The following SH3GL3 variants were observed in gnomAD, a reference collection of about 807,000 sequenced individuals.
SH3GL3 encodes the protein SH3 domain containing GRB2 like 3, endophilin A3, also known as endophilin-A3.
Under a neutral mutation model 47.7 loss-of-function variants are expected in SH3GL3, and 33 were observed. That is an observed-to-expected ratio of 0.69 (90% CI 0.52 to 0.92). The LOEUF is 0.92. SH3GL3 is among the 40% of genes least tolerant of loss of function. The pLI is 0.00. For synonymous variants in SH3GL3, 155 were observed against 148.8 expected, an observed-to-expected ratio of 1.04 and a Z score of -0.30; for missense variants, 363 against 417.8, an observed-to-expected ratio of 0.87 and a Z score of 1.14.
intron 1 of SH3GL3, among the ~76,000 whole-genome samples, chr15:83,461,283 A>G (rs1447847561): frequency 6.6e-6 from 1 of 152,202 alleles, no homozygotes; most frequent in Non-Finnish European, 1.5e-5. Flanking sequence ...CATGTTTCTG[A>G]TAACTTAAAA....
intron 8 of SH3GL3, among the ~76,000 whole-genome samples, chr15:83,603,621 A>G (rs577056806): frequency 1.8e-4 from 27 of 152,274 alleles, no homozygotes; most frequent in Non-Finnish European, 2.9e-4. Flanking sequence ...TGCTTTTCCA[A>G]TGCATTAGGA....
chr15:83,619,457 G>A (rs1377041922), downstream of SH3GL3, among the ~76,000 whole-genome samples: 1 of 152,142 alleles, frequency 6.6e-6, no homozygotes, highest in Non-Finnish European at 1.5e-5. Context: ...CATAGCTAAT[G>A]CGTGTCGGGC....
intron 1 of SH3GL3, among the ~76,000 whole-genome samples, chr15:83,490,024 A>G (rs910617484): frequency 6.6e-6 from 1 of 152,208 alleles, no homozygotes. Context: ...TGGCCTGGGC[A>G]TTTTTGCCAG....
chr15:83,625,249 A>AATGTTTTTATTTGCAGGTGAAGAAATTG, the SH3GL3 span, among the ~76,000 whole-genome samples: 1 of 152,230 alleles, frequency 6.6e-6, no homozygotes, highest in Non-Finnish European at 1.5e-5. Flanking sequence ...GTCAGGTTGT[A>AATGTTTTTATTTGCAGGTGAAGAAATTG]ATGTTTTTAT....
At chr15:83,485,050 T>C (rs191576277) in intron 1 of SH3GL3, among the ~76,000 whole-genome samples, 7 of 152,318 alleles carry the variant, frequency 4.6e-5, no homozygotes, top group Admixed American at 4.6e-4. Context: ...AATCTCTCTG[T>C]CTCCTATTTT....
intron 1 of SH3GL3, among the ~76,000 whole-genome samples, chr15:83,524,480 C>A (rs2043334477): frequency 6.6e-6 from 1 of 152,140 alleles, no homozygotes; most frequent in East Asian, 1.9e-4. Flanking sequence ...TTTAGGGTAT[C>A]TATCGCCTTT....
At chr15:83,627,633 C>T in the SH3GL3 span, among the ~76,000 whole-genome samples, 1 of 152,112 alleles carries the variant, frequency 6.6e-6, no homozygotes. Flanking sequence ...CTAACCCCTA[C>T]ATTTTGATTG....
intron 8 of SH3GL3, among the ~76,000 whole-genome samples, chr15:83,608,044 G>A (rs2435084): frequency 6.6e-5 from 10 of 152,090 alleles, no homozygotes; most frequent in East Asian, 3.9e-4. Context: ...AGGTGGGGGA[G>A]GGCAAAACTT....
intron 8 of SH3GL3, among the ~76,000 whole-genome samples, chr15:83,613,791 C>G (rs1434916221): frequency 6.6e-6 from 1 of 152,130 alleles, no homozygotes; most frequent in African/African-American, 2.4e-5. Context: ...GGGTCTGGAG[C>G]CCTCCTGTTT....
intron 8 of SH3GL3, among the ~76,000 whole-genome samples, chr15:83,590,930 A>G (rs2060078549): frequency 2.6e-5 from 4 of 152,220 alleles, no homozygotes; most frequent in Admixed American, 2.6e-4. Flanking sequence ...TATGAAGTCC[A>G]ATGTATTCAT....
chr15:83,609,941 C>A (rs1037756967), intron 8 of SH3GL3, among the ~76,000 whole-genome samples: 4 of 152,172 alleles, frequency 2.6e-5, no homozygotes, highest in African/African-American at 9.7e-5. Context: ...TCTAATCCAC[C>A]ACCTGGAGTG....
chr15:83,565,546 T>A (rs560721234), intron 3 of SH3GL3: 19 of 213,460 alleles, frequency 8.9e-5, no homozygotes, highest in South Asian at 2.4e-4. Flanking sequence ...ATAATTTTTT[T>A]AAAAATTCTG....
chr15:83,474,131 GCTACCCAATTTTAAA>G (rs1447030355), intron 1 of SH3GL3, among the ~76,000 whole-genome samples: 1 of 152,294 alleles, frequency 6.6e-6, no homozygotes, highest in East Asian at 1.9e-4. Flanking sequence ...AGTCCTCTGT[GCTACCCAATTTTAAA>G]TCCCTTCTTA....
chr15:83,466,647 C>A (rs939816858), intron 1 of SH3GL3, among the ~76,000 whole-genome samples: 1 of 152,318 alleles, frequency 6.6e-6, no homozygotes, highest in Middle Eastern at 3.4e-3. Context: ...TCCAGAGTGG[C>A]TGTACCATAT....
chr15:83,554,522 C>G (rs1476355782), intron 1 of SH3GL3, among the ~76,000 whole-genome samples: 1 of 151,784 alleles, frequency 6.6e-6, no homozygotes, highest in Admixed American at 6.6e-5. Flanking sequence ...ACAGAAAATT[C>G]TAGATTTTTA....
At chr15:83,620,777 A>G (rs2060913828), downstream of SH3GL3, among the ~76,000 whole-genome samples, 1 of 152,238 alleles carries the variant, frequency 6.6e-6, no homozygotes, top group Non-Finnish European at 1.5e-5. Context: ...CTAACAGGTT[A>G]ATCTGTCCTT....
At chr15:83,604,382 C>T (rs2060464363) in intron 8 of SH3GL3, among the ~76,000 whole-genome samples, 1 of 152,136 alleles carries the variant, frequency 6.6e-6, no homozygotes, top group East Asian at 1.9e-4. Flanking sequence ...TCATTTGCCA[C>T]CAAAGAGAAC....
intron 8 of SH3GL3, among the ~76,000 whole-genome samples, chr15:83,616,788 A>G (rs1460384471): frequency 1.3e-5 from 2 of 152,180 alleles, no homozygotes; most frequent in Non-Finnish European, 2.9e-5. Context: ...AAATCGAGAA[A>G]AACAGGGAGG....
At chr15:83,607,104 G>A (rs2060536293) in intron 8 of SH3GL3, among the ~76,000 whole-genome samples, 1 of 152,140 alleles carries the variant, frequency 6.6e-6, no homozygotes, top group South Asian at 2.1e-4. Flanking sequence ...AAAGAGTTTT[G>A]AAAAGCCGTA....
Sources: gnomAD v4.1 joint callset for allele counts (sites outside exome capture counted in the v4.1 genomes callset) on GRCh38, gnomAD v4.1.1 for gene constraint, MANE v1.5 for transcripts, NCBI Gene and HGNC (gene_info 2026-07-23, HGNC 2026-07-21) for gene names.